The following UBXN8 variants were observed in gnomAD, a reference collection of about 807,000 sequenced individuals.
UBXN8 encodes UBX domain protein 8.
A neutral mutation model predicts 32.1 loss-of-function variants in UBXN8; 27 were observed. That is an observed-to-expected ratio of 0.84 (90% CI 0.62 to 1.16). The LOEUF (loss-of-function observed/expected upper bound fraction) is 1.16, where lower values mean the gene tolerates loss of function less well. Ranked by LOEUF, UBXN8 falls within the 50% of genes most tolerant of loss-of-function variation. UBXN8 has a pLI of 0.00. For missense variants in UBXN8, 306 were observed against 311.4 expected (o/e 0.98, Z 0.13); for synonymous variants, 109 against 111.8 (o/e 0.98, Z 0.16).
At chr8:30,749,523 G>A (rs1805461639) in intron 1 of UBXN8, among the ~76,000 whole-genome samples, 2 of 151,864 alleles carry the variant, frequency 1.3e-5, no homozygotes, top group Non-Finnish European at 1.5e-5. Context: ...GAAGCACACA[G>A]TTGCACAATT....
rs1232335963 is a variant in UBXN8, at chr8:30,766,989, A to G, written c.*595A>G. 6.6e-6 allele frequency: 1 copy of G among 152,230 alleles called. No individual in the cohort carries two copies. Among genetic ancestry groups the G allele is most frequent in the Non-Finnish European group, 1.5e-5 (1 of 68,054 alleles). The allele number at this position is 152,230 out of a possible 1,614,324, so 9.4% of individuals were successfully genotyped here. ...AATAAAACTATGAAAGCATTAAAAT[A>G]TAGGTGAATTTTTAAAACTGTATCT... On this transcript the variant is annotated 3_prime_UTR_variant, in exon 8 of 8. Coordinates refer to ENST00000265616, the MANE Select transcript of UBXN8 (RefSeq NM_005671.4).
At chr8:30,758,214 T>A (rs978372789) in intron 5 of UBXN8, among the ~76,000 whole-genome samples, 1 of 152,192 alleles carries the variant, frequency 6.6e-6, no homozygotes, top group Non-Finnish European at 1.5e-5. Flanking sequence ...TCAATTCTTT[T>A]TAAGGAATTT....
At chr8:30,749,316 C>T (rs747915526) in intron 1 of UBXN8, among the ~76,000 whole-genome samples, 19 of 150,824 alleles carry the variant, frequency 1.3e-4, no homozygotes, top group Non-Finnish European at 2.4e-4. Context: ...TAGCTGGAAC[C>T]CAGGAGGCAG....
In UBXN8 at chr8:30,766,345, T is replaced by TA. The variant is rs2128757576; in HGVS notation, c.766dup (p.Thr256AsnfsTer32). 1.9e-6 allele frequency: 3 copies of TA among 1,613,456 alleles called. No homozygotes were observed. The highest frequency in any genetic ancestry group is 2.5e-6 in the Non-Finnish European group (3 of 1,179,652). ...GGCCAGTCGCTGGAGGACATAGGAATAACTGTGGACACTGTACTCATCCTG... is the reference window on the plus strand; with the variant it reads ...GGCCAGTCGCTGGAGGACATAGGAATAAACTGTGGACACTGTACTCATCCTG... On this transcript the variant is annotated frameshift_variant, in exon 8 of 8. Transcript: ENST00000265616. LOFTEE classifies it high-confidence loss of function.
intron 1 of UBXN8, among the ~76,000 whole-genome samples, chr8:30,748,376 C>T (rs781331221): frequency 1.5e-4 from 22 of 150,682 alleles, no homozygotes; most frequent in East Asian, 1.9e-4. Flanking sequence ...TGACATGGGA[C>T]GACTGCTTGA....
chr8:30,735,313 T>G (rs1805047528), intron 1 of UBXN8, among the ~76,000 whole-genome samples: 1 of 152,178 alleles, frequency 6.6e-6, no homozygotes, highest in Admixed American at 6.5e-5. Context: ...TATTAACCAT[T>G]ATTAGAAAGA....
At chr8:30,754,926 C>T in intron 4 of UBXN8, 139 bp downstream of exon 4, 1 of 938,074 alleles carries the variant, frequency 1.1e-6, no homozygotes, top group South Asian at 2.2e-5. Context: ...GTTCAGCATA[C>T]TTGTTTATTA....
chr8:30,760,420 C>CATATATATATAT (rs1307823939), intron 5 of UBXN8, among the ~76,000 whole-genome samples: 7 of 85,588 alleles, frequency 8.2e-5, no homozygotes, highest in African/African-American at 2.9e-4. Context: ...CATACACAAT[C>CATATATATATAT]ATATATATAT....
chr8:30,750,600 G>A (rs536556039), intron 1 of UBXN8, among the ~76,000 whole-genome samples: 4 of 151,800 alleles, frequency 2.6e-5, no homozygotes, highest in Non-Finnish European at 5.9e-5. Context: ...GTGAAACCCC[G>A]TCTCTACTAA....
chr8:30,762,377 G>GC (rs1187287781), intron 6 of UBXN8, among the ~76,000 whole-genome samples: 1 of 132,496 alleles, frequency 7.5e-6, no homozygotes, highest in African/African-American at 2.7e-5. Flanking sequence ...TGCCTGATGG[G>GC]AAAGTTTTTT....
chr8:30,745,703 C>T (rs1024249328), intron 1 of UBXN8, among the ~76,000 whole-genome samples: 1 of 152,142 alleles, frequency 6.6e-6, no homozygotes, highest in African/African-American at 2.4e-5. Flanking sequence ...TCACCATTTC[C>T]GCAATTCACC....
chr8:30,739,329 T>A (rs60867272), upstream of UBXN8, among the ~76,000 whole-genome samples: 4,512 of 149,612 alleles, frequency 0.03, 294 homozygotes, highest in African/African-American at 0.1. Flanking sequence ...TGGATCACGA[T>A]GTCAGGAGAT....
At chr8:30,751,894 CTTTT>C (rs1335998614) in intron 2 of UBXN8, among the ~76,000 whole-genome samples, 1 of 137,286 alleles carries the variant, frequency 7.3e-6, no homozygotes. Context: ...TACCATTAAA[CTTTT>C]TTTTTTTTTT....
chr8:30,760,445 T>TATA (rs59139295), intron 5 of UBXN8, among the ~76,000 whole-genome samples: 3,412 of 30,752 alleles, frequency 0.11, 48 homozygotes, highest in Non-Finnish European at 0.21. Context: ...ATATATATAT[T>TATA]TTTTTTTTTT....
intron 1 of UBXN8, among the ~76,000 whole-genome samples, chr8:30,736,331 C>CAGA (rs774586525): frequency 2.0e-4 from 31 of 152,328 alleles, no homozygotes; most frequent in Non-Finnish European, 2.8e-4. Context: ...CACTGAGGAT[C>CAGA]TCTTTCACGC....
upstream of UBXN8, among the ~76,000 whole-genome samples, chr8:30,731,843 G>T (rs2128751386): frequency 6.6e-6 from 1 of 152,144 alleles, no homozygotes; most frequent in South Asian, 2.1e-4. Context: ...ATAGTTCCTT[G>T]TCAGTCTCCA....
intron 2 of UBXN8, 86 bp from the exon 3 acceptor site, chr8:30,752,949 C>T: frequency 7.2e-7 from 1 of 1,392,138 alleles, no homozygotes; most frequent in Non-Finnish European, 9.4e-7. Flanking sequence ...AGATTTTTTT[C>T]TTTCTTTTGA....
In UBXN8 at chr8:30,744,237, C is replaced by T. The variant is rs544646510; in HGVS notation, c.48C>T (p.Pro16=). The change falls in exon 1 of 8, where the codon CCC becomes CCT. Residue 16 remains proline, a synonymous_variant. Coordinates refer to ENST00000265616, the MANE Select transcript of UBXN8 (RefSeq NM_005671.4). ...VVGIFFLSAV[P]LVCLELRRGI... is the part of the protein sequence containing the mutation. Reference sequence around the variant, plus strand: ...GCATTTTCTTCCTCTCTGCTGTCCCCCTTGTGTGTCTGGAGCTCCGGCGTG... The same window carrying T: ...GCATTTTCTTCCTCTCTGCTGTCCCTCTTGTGTGTCTGGAGCTCCGGCGTG... 1.1e-5 allele frequency: 17 copies of T among 1,613,908 alleles called. No homozygotes were observed. In the East Asian group the frequency reaches 3.3e-4, roughly 32 times the overall value.
At chr8:30,758,203 C>T (rs1293158998) in intron 5 of UBXN8, among the ~76,000 whole-genome samples, 1 of 152,150 alleles carries the variant, frequency 6.6e-6, no homozygotes, top group African/African-American at 2.4e-5. Flanking sequence ...GCCGAAAATA[C>T]TCAATTCTTT....
Sources: allele counts gnomAD v4.1 joint callset (sites outside exome capture counted in the v4.1 genomes callset), GRCh38; gene constraint gnomAD v4.1.1; transcripts MANE v1.5; gene names NCBI Gene and HGNC (gene_info 2026-07-23, HGNC 2026-07-21).